NLGN1: variants seen among roughly 807,000 people sequenced by gnomAD.
NLGN1 encodes neuroligin-1.
A neutral mutation model predicts 65.5 loss-of-function variants in NLGN1; 12 were observed. That is an observed-to-expected ratio of 0.18 (90% CI 0.12 to 0.30). NLGN1 has a LOEUF of 0.30. Among genes scored for constraint, NLGN1 ranks in the 10% least tolerant of loss-of-function variants. The pLI is 1.00. For missense variants in NLGN1, 750 were observed against 1,007.1 expected, an observed-to-expected ratio of 0.74 and a Z score of 3.46; for synonymous variants, 350 against 359.5, an observed-to-expected ratio of 0.97 and a Z score of 0.30.
Position 174,016,347 on chromosome 3 carries a change from G to A in NLGN1, c.646+208515G>A, listed in dbSNP as rs747960861. ...AAAGTACACGTACAAATACAGCACA[G>A]CAATCATTACTCAGACTGTCTTATG... is the stretch of plus-strand genomic sequence containing the variant. On this transcript the variant is annotated intron_variant, in intron 4 of 6. Coordinates refer to ENST00000457714, the Ensembl canonical transcript of NLGN1. Among the ~76,000 whole-genome samples the A allele has an allele frequency of 7.9e-4, 120 of 152,212 alleles. 3 individuals are homozygous for A. Among genetic ancestry groups the A allele is most frequent in the Admixed American group, 2.6e-4 (4 of 15,276 alleles).
At chr3:174,023,948 G>A (rs1261350733) in intron 4 of NLGN1, among the ~76,000 whole-genome samples, 1 of 152,026 alleles carries the variant, frequency 6.6e-6, no homozygotes, top group African/African-American at 2.4e-5. Context: ...CCTACTCCTT[G>A]TATACCTCTG....
intron 1 of NLGN1, among the ~76,000 whole-genome samples, chr3:173,401,382 TG>T (rs1717671412): frequency 1.3e-5 from 2 of 151,838 alleles, no homozygotes; most frequent in Non-Finnish European, 2.9e-5. Context: ...TTTTTTGTTT[TG>T]TTTTGTTTTT....
At chr3:173,920,765 C>G (rs766514161) in intron 4 of NLGN1, 10 of 152,016 alleles carry the variant, frequency 6.6e-5, no homozygotes, top group African/African-American at 2.2e-4. Flanking sequence ...GTCTTTCAAC[C>G]TGTCAATCAG....
intron 3 of NLGN1, among the ~76,000 whole-genome samples, chr3:173,782,941 G>T (rs1781398213): frequency 6.7e-6 from 1 of 149,998 alleles, no homozygotes; most frequent in African/African-American, 2.5e-5. Context: ...TGAATATATT[G>T]TTGAGTTAAA....
At chr3:173,642,013 G>GCTCTCTCT (rs138192749) in intron 3 of NLGN1, among the ~76,000 whole-genome samples, 1 of 146,242 alleles carries the variant, frequency 6.8e-6, no homozygotes, top group African/African-American at 2.5e-5. Context: ...TCAGTGGACT[G>GCTCTCTCT]CTCTCTCTCT....
At chr3:174,128,498 T>C (rs1045571531) in intron 4 of NLGN1, among the ~76,000 whole-genome samples, 7 of 152,224 alleles carry the variant, frequency 4.6e-5, no homozygotes, top group Non-Finnish European at 1.0e-4. Context: ...GAAAGTAGCT[T>C]TCGCCTCCAT....
At chr3:173,830,544 G>A (rs1722328401) in intron 4 of NLGN1, among the ~76,000 whole-genome samples, 1 of 151,978 alleles carries the variant, frequency 6.6e-6, no homozygotes, top group African/African-American at 2.4e-5. Context: ...ACACATGGTT[G>A]CTTTATTATT....
intron 3 of NLGN1, among the ~76,000 whole-genome samples, chr3:173,721,999 C>G (rs1408222251): frequency 6.6e-6 from 1 of 151,100 alleles, no homozygotes; most frequent in African/African-American, 2.4e-5. Flanking sequence ...TAAGGGTTTT[C>G]AAGTACTTCT....
chr3:174,200,339 G>A (rs1341163826), intron 4 of NLGN1, among the ~76,000 whole-genome samples: 8 of 152,204 alleles, frequency 5.3e-5, no homozygotes, highest in Admixed American at 2.6e-4. Context: ...CTTGAACACT[G>A]TGTTCTCAAC....
rs553543856 is a variant in NLGN1, at chr3:173,437,992, C to T, written c.-321+2914C>T. Among the ~76,000 whole-genome samples, 9 of 151,820 alleles carry T rather than the reference C, an allele frequency of 5.9e-5. 1 individual carries two copies. Among genetic ancestry groups the T allele is most frequent in the African/African-American group, 2.2e-4 (9 of 41,188 alleles). ...AGACTGAGTTTCCAAGTATCCAAGT[C>T]CCCAATGATTATAAAATTTGTTACT... On this transcript the variant is annotated intron_variant, in intron 2 of 6. Transcript: ENST00000457714.
chr3:173,747,081 C>G (rs1775518420), intron 3 of NLGN1, among the ~76,000 whole-genome samples: 2 of 150,312 alleles, frequency 1.3e-5, no homozygotes, highest in Middle Eastern at 3.2e-3. Flanking sequence ...CACACACACA[C>G]ACACACACAC....
At chr3:174,038,037 A>G (rs1731507914) in intron 4 of NLGN1, among the ~76,000 whole-genome samples, 1 of 152,176 alleles carries the variant, frequency 6.6e-6, no homozygotes, top group South Asian at 2.1e-4. Flanking sequence ...ATTCGCAAAT[A>G]TGGAAAATTG....
chr3:173,763,707 A>G (rs1778346091), intron 3 of NLGN1, among the ~76,000 whole-genome samples: 1 of 152,058 alleles, frequency 6.6e-6, no homozygotes, highest in African/African-American at 2.4e-5. Flanking sequence ...ACCTAGAGCT[A>G]TAAGAAAAAG....
chr3:173,788,235 T>C (rs1489011587), intron 3 of NLGN1, among the ~76,000 whole-genome samples: 1 of 145,986 alleles, frequency 6.8e-6, no homozygotes, highest in African/African-American at 2.5e-5. Context: ...AAAGAAAAAG[T>C]TTATTTTTAT....
At chr3:173,896,755 T>C (rs1216687366) in intron 4 of NLGN1, among the ~76,000 whole-genome samples, 2 of 152,154 alleles carry the variant, frequency 1.3e-5, no homozygotes, top group Non-Finnish European at 2.9e-5. Context: ...CCCTGAAATC[T>C]CCAGCTGTCT....
intron 4 of NLGN1, among the ~76,000 whole-genome samples, chr3:173,861,142 T>A (rs1265085135): frequency 2.0e-5 from 3 of 152,170 alleles, no homozygotes; most frequent in Non-Finnish European, 2.9e-5. Flanking sequence ...CTTTATCATA[T>A]TTCAAAATTT....
At chr3:174,258,345 A>T (rs1436298970) in intron 4 of NLGN1, among the ~76,000 whole-genome samples, 1 of 152,180 alleles carries the variant, frequency 6.6e-6, no homozygotes, top group African/African-American at 2.4e-5. Flanking sequence ...AAGAAGAAAA[A>T]GCTTTTTTAA....
exon 7 of NLGN1, chr3:174,284,811 A>G (rs1419761955): frequency 6.6e-6 from 1 of 151,432 alleles, no homozygotes; most frequent in Non-Finnish European, 1.5e-5. Context: ...CTGGCAACTC[A>G]AAGCAGAAAA....
chr3:173,807,087 A>G (rs775860492), intron 3 of NLGN1, among the ~76,000 whole-genome samples: 3 of 152,182 alleles, frequency 2.0e-5, no homozygotes, highest in Non-Finnish European at 4.4e-5. Context: ...ACAGATGTAC[A>G]TGACTTTCGT....
Sources: gnomAD v4.1 joint callset for allele counts (sites outside exome capture counted in the v4.1 genomes callset) on GRCh38, gnomAD v4.1.1 for gene constraint, MANE v1.5 for transcripts, NCBI Gene and HGNC (gene_info 2026-07-23, HGNC 2026-07-21) for gene names.